TRPV2: variants seen among roughly 807,000 people sequenced by gnomAD.
TRPV2 encodes transient receptor potential cation channel subfamily V member 2.
In TRPV2, 58 loss-of-function variants were observed where a neutral mutation model predicts 91.0. That is an observed-to-expected ratio of 0.64 (90% CI 0.52 to 0.79). The LOEUF (loss-of-function observed/expected upper bound fraction) is 0.79, where lower values mean the gene tolerates loss of function less well. Among genes scored for constraint, TRPV2 ranks in the 30% least tolerant of loss-of-function variants. The probability of loss-of-function intolerance (pLI) is 0.00; values close to 1 mark genes in which losing one functional copy is unlikely to be tolerated. For missense variants in TRPV2, 807 were observed against 969.6 expected (o/e 0.83, Z 2.23); for synonymous variants, 417 against 414.8 (o/e 1.01, Z -0.06).
At chr17:16,427,352 A>T in intron 7 of TRPV2, 97 bp from the exon 8 acceptor site, 1 of 1,190,968 alleles carries the variant, frequency 8.4e-7, no homozygotes, top group Non-Finnish European at 1.2e-6. Context: ...GCCTCTCCAC[A>T]GCTCAGGCTC....
intron 13 of TRPV2, among the ~76,000 whole-genome samples, chr17:16,434,109 C>T (rs2093425057): frequency 6.6e-6 from 1 of 152,142 alleles, no homozygotes. Flanking sequence ...GAGAACATGC[C>T]CTTCTGTGTC....
At chr17:16,418,731 A>G (rs777980859) in intron 2 of TRPV2, among the ~76,000 whole-genome samples, 12 of 151,942 alleles carry the variant, frequency 7.9e-5, no homozygotes, top group African/African-American at 1.7e-4. Flanking sequence ...TGTGCCCTCA[A>G]TGGGCTTCCC....
chr17:16,433,258 G>C (rs746918537), intron 12 of TRPV2: 2 of 277,726 alleles, frequency 7.2e-6, no homozygotes, highest in African/African-American at 4.4e-5. Context: ...TGTTCCTGGT[G>C]GTGTGGCAAT....
chr17:16,428,168 T>G (rs1441230654), intron 8 of TRPV2, 149 bp from the exon 9 acceptor site: 4 of 705,850 alleles, frequency 5.7e-6, no homozygotes, highest in Non-Finnish European at 9.9e-6. Flanking sequence ...TCCCAAGCTA[T>G]CTCAGCTATC....
At chr17:16,421,011 T>G (rs761920058) in intron 3 of TRPV2, among the ~76,000 whole-genome samples, 1 of 152,204 alleles carries the variant, frequency 6.6e-6, no homozygotes, top group Non-Finnish European at 1.5e-5. Context: ...ACTTAATACA[T>G]CTTGTAGCAC....
Position 16,433,652 on chromosome 17 carries a change from G to A in TRPV2, c.2068G>A (p.Val690Ile), listed in dbSNP as rs543529432. The change falls in exon 13 of 15, where the codon GTT (valine) becomes ATT (isoleucine). Residue 690 changes from valine to isoleucine, a missense_variant. Physicochemically the swap from Val to Ile is conservative, Grantham distance 29. Coordinates refer to ENST00000338560, the MANE Select transcript of TRPV2 (RefSeq NM_016113.5). ...GCAGCGGGCAGGTGTGATGCTGACC[G>A]TTGGCACTAAGCCAGATGGCAGCCC... Reference protein sequence around the residue: ...KKQRAGVMLTVGTKPDGSPDE... With the variant: ...KKQRAGVMLTIGTKPDGSPDE... The A allele has an allele frequency of 8.7e-6, 14 of 1,614,154 alleles. No individual in the cohort carries two copies. Among genetic ancestry groups the A allele is most frequent in the South Asian group, 5.5e-5 (5 of 91,086 alleles).
rs760893358 is a variant in TRPV2 at position 16,426,740 on chromosome 17, G to A, written c.1114G>A (p.Val372Ile). Residue 372 changes from valine to isoleucine, a missense_variant, in exon 7 of 15, where the codon GTT (valine) becomes ATT (isoleucine). Physicochemically the swap from Val to Ile is conservative, Grantham distance 29 (BLOSUM62 3). Transcript: ENST00000338560. The surrounding 1 kb of genome is among the most constrained non-coding windows in gnomAD (Gnocchi z 6.0). ...CKSPHRHRMVVLEPLNKLLQA... is the reference protein window; with the variant it reads ...CKSPHRHRMVILEPLNKLLQA... ...ACCCCAGCACCGACACCGAATGGTC[G>A]TTTTGGAGCCCCTGAACAAACTGCT... The A allele has an allele frequency of 3.3e-5, 54 of 1,613,734 alleles. No individual in the cohort carries two copies. Among genetic ancestry groups the A allele is most frequent in the African/African-American group, 9.3e-5 (7 of 74,894 alleles).
At chr17:16,430,357 A>G (rs1395412020) in intron 10 of TRPV2, among the ~76,000 whole-genome samples, 1 of 152,162 alleles carries the variant, frequency 6.6e-6, no homozygotes, top group African/African-American at 2.4e-5. Flanking sequence ...TGTTTCTACG[A>G]ATTTGATGAC....
chr17:16,428,129 C>T (rs1464983439), intron 8 of TRPV2, among the ~76,000 whole-genome samples, 188 bp from the exon 9 acceptor site: 1 of 152,212 alleles, frequency 6.6e-6, no homozygotes, highest in Non-Finnish European at 1.5e-5. Flanking sequence ...CCGGCCTTGC[C>T]TAGGTGGCTG....
intron 10 of TRPV2, 150 bp from the exon 11 acceptor site, chr17:16,431,634 C>T (rs1279451119): frequency 4.3e-6 from 3 of 693,530 alleles, no homozygotes; most frequent in South Asian, 3.5e-5. Flanking sequence ...CTCCTCTGCT[C>T]GGTGTGGCTC....
chr17:16,422,865 G>A lies in TRPV2; in HGVS notation c.601G>A (p.Gly201Ser), dbSNP rs972553017. The change falls in exon 4 of 15, where the codon GGC (glycine) becomes AGC (serine). Residue 201 changes from glycine to serine, a missense_variant. Coordinates refer to ENST00000338560, the MANE Select transcript of TRPV2 (RefSeq NM_016113.5). ...GGCCTGCGGCCGCTTCTTCCAGAAG[G>A]GCCAAGGGACTTGCTTTTATTTCGG... ...ARACGRFFQK[G>S]QGTCFYFGEL... 3.2e-6 allele frequency: 5 copies of A among 1,567,264 alleles called. No individual in the cohort carries two copies. Among genetic ancestry groups the A allele is most frequent in the South Asian group, 2.3e-5 (2 of 85,590 alleles).
chr17:16,422,147 A>AAAAAC (rs2093360596), intron 3 of TRPV2, among the ~76,000 whole-genome samples: 1 of 151,870 alleles, frequency 6.6e-6, no homozygotes, highest in Non-Finnish European at 1.5e-5. Context: ...GCTGAAAACA[A>AAAAAC]AAAACAAAAC....
chr17:16,418,268 G>A (rs192870620), intron 2 of TRPV2, among the ~76,000 whole-genome samples: 9 of 152,332 alleles, frequency 5.9e-5, no homozygotes, highest in African/African-American at 1.9e-4. Context: ...GCTCTCCTCA[G>A]TTCTGCAAGA....
intron 2 of TRPV2, among the ~76,000 whole-genome samples, chr17:16,418,298 G>T (rs953115669): frequency 1.3e-5 from 2 of 152,186 alleles, no homozygotes; most frequent in Non-Finnish European, 1.5e-5. Context: ...TCACTCAGGG[G>T]ACGTGAACTG....
At position 16,426,410 on chromosome 17, in the gene TRPV2, A is replaced by C. The variant is rs1210329429; in HGVS notation, c.1095+141A>C. The C allele has an allele frequency of 3.6e-6, 4 of 1,099,176 alleles. No homozygotes were observed. The highest frequency in any genetic ancestry group is 5.2e-6 in the Non-Finnish European group (4 of 776,032). 68.1% of individuals were successfully genotyped at this position (1,099,176 alleles called of 1,614,324 possible). A position where few individuals can be genotyped will look rare whatever the true frequency, so the allele number is the denominator to read the frequency against. ...GTGGCTGCATGTCCCAGCAGGCACG[A>C]CCCTGACCATGGCCACCGGGCCCAT... On this transcript the variant is annotated intron_variant, in intron 6 of 14. Coordinates refer to ENST00000338560, the MANE Select transcript of TRPV2 (RefSeq NM_016113.5). This position sits in a 1 kb window ranked among gnomAD's most constrained non-coding sequence, Gnocchi z 6.0.
Position 16,423,563 on chromosome 17 carries a change from C to T in TRPV2, c.720C>T (p.Ala240=), listed in dbSNP as rs1283778697. The change falls in exon 5 of 15, where the codon GCC becomes GCT. Residue 240 remains alanine (A), a synonymous_variant. Coordinates refer to ENST00000338560, the MANE Select transcript of TRPV2 (RefSeq NM_016113.5). ...ENPHQPASLQ[A]TDSQGNTVLH... ...CACACCAGCCCGCCAGCCTGCAGGC[C>T]ACTGACTCCCAGGGCAACACAGTCC... 6.2e-7 allele frequency: 1 copy of T among 1,614,198 alleles called. No individual in the cohort carries two copies.
Position 16,432,293 on chromosome 17 carries a change from A to G in TRPV2, c.1982A>G (p.Lys661Arg). ...SVATDSWSIWKLQKAISVLEM... is the reference protein window; with the variant it reads ...SVATDSWSIWRLQKAISVLEM... ...GCCACTGACAGCTGGAGCATCTGGA[A>G]GCTGCAGGTGCCACCAGAGAGGCTC... is the stretch of plus-strand genomic sequence containing the variant. The change falls in exon 12 of 15, where the codon AAG (lysine) becomes AGG (arginine). Residue 661 changes from lysine to arginine, a missense_variant. Lys to Arg is a conservative substitution (Grantham distance 26). Transcript: ENST00000338560. The G allele has an allele frequency of 1.2e-6, 2 of 1,604,642 alleles. No homozygotes were observed. Among genetic ancestry groups the G allele is most frequent in the African/African-American group, 1.3e-5 (1 of 74,914 alleles).
At chr17:16,419,291 T>G (rs2093345398) in intron 2 of TRPV2, 2 of 470,594 alleles carry the variant, frequency 4.2e-6, no homozygotes, top group Non-Finnish European at 8.8e-6. Flanking sequence ...GCTGCTAGAT[T>G]CTAGATTCTG....
At position 16,417,820 on chromosome 17, in the gene TRPV2, C is replaced by T; in HGVS notation, c.152C>T (p.Ala51Val). The T allele has an allele frequency of 6.2e-7, 1 of 1,614,212 alleles. No homozygotes were observed. The highest frequency in any genetic ancestry group is 8.5e-7 in the Non-Finnish European group (1 of 1,180,030). Residue 51 changes from alanine (A) to valine (V), a missense_variant, in exon 2 of 15, where the codon GCC (alanine) becomes GTC (valine). Coordinates refer to ENST00000338560, the MANE Select transcript of TRPV2 (RefSeq NM_016113.5). ...SQFQGEDRKF[A>V]PQIRVNLNYR... ...TTCCAGGGCGAGGACCGGAAATTCG[C>T]CCCTCAGATAAGAGTCAACCTCAAC...
Sources: gnomAD v4.1 joint callset for allele counts (sites outside exome capture counted in the v4.1 genomes callset) on GRCh38, gnomAD v4.1.1 for gene constraint, Gnocchi (gnomAD v3.1) non-coding constraint, MANE v1.5 for transcripts, NCBI Gene and HGNC (gene_info 2026-07-23, HGNC 2026-07-21) for gene names.